DPP10: variants seen among roughly 807,000 people sequenced by gnomAD.
DPP10 encodes dipeptidyl peptidase like 10, also known as inactive dipeptidyl peptidase 10.
Under a neutral mutation model 120.9 loss-of-function variants are expected in DPP10, and 33 were observed. The observed-to-expected ratio is 0.27, with a 90% CI of 0.21 to 0.37. The LOEUF is 0.37. DPP10 is among the 10% of genes least tolerant of loss of function. The pLI is 1.00. For missense variants in DPP10, 816 were observed against 942.8 expected (o/e 0.87, Z 1.76); for synonymous variants, 337 against 326.1 (o/e 1.03, Z -0.36).
chr2:115,715,766 T>G (rs2092473987), intron 7 of DPP10, among the ~76,000 whole-genome samples: 1 of 152,268 alleles, frequency 6.6e-6, no homozygotes, highest in African/African-American at 2.4e-5. Context: ...TTTTCTTTAT[T>G]AATACATTTT....
intron 19 of DPP10, among the ~76,000 whole-genome samples, chr2:115,803,695 A>T (rs1685552047): frequency 6.6e-6 from 1 of 152,144 alleles, no homozygotes; most frequent in African/African-American, 2.4e-5. Context: ...TATGAAGCTC[A>T]GTTTGGCTGG....
chr2:115,630,168 T>C (rs4618069), intron 5 of DPP10, among the ~76,000 whole-genome samples: 28,116 of 152,026 alleles, frequency 0.18, 3,221 homozygotes, highest in African/African-American at 0.31. Context: ...TTTGTAGCAA[T>C]TGTGAATGGG....
At chr2:115,218,820 A>G (rs1308946847) in intron 1 of DPP10, among the ~76,000 whole-genome samples, 2 of 152,144 alleles carry the variant, frequency 1.3e-5, no homozygotes, top group Admixed American at 6.6e-5. Context: ...CATAATTTGA[A>G]CAGAAAATAT....
chr2:115,572,427 GA>G, intron 5 of DPP10, among the ~76,000 whole-genome samples: 1 of 152,198 alleles, frequency 6.6e-6, no homozygotes, highest in East Asian at 1.9e-4. Context: ...GAAGTATGGA[GA>G]AAAATAATGT....
At chr2:114,599,903 T>C (rs2105219850) in intron 1 of DPP10, among the ~76,000 whole-genome samples, 1 of 151,904 alleles carries the variant, frequency 6.6e-6, no homozygotes, top group African/African-American at 2.4e-5. Context: ...CATGTTTCAG[T>C]GTAATATTTG....
chr2:114,725,274 C>T (rs1701973146), intron 1 of DPP10, among the ~76,000 whole-genome samples: 1 of 152,180 alleles, frequency 6.6e-6, no homozygotes, highest in Non-Finnish European at 1.5e-5. Context: ...TCTCTATCCA[C>T]CGCACTACGC....
At chr2:114,927,951 G>A (rs578010285) in intron 1 of DPP10, among the ~76,000 whole-genome samples, 1 of 152,002 alleles carries the variant, frequency 6.6e-6, no homozygotes, top group Non-Finnish European at 1.5e-5. Context: ...ACCAACTCTT[G>A]TGGGAACTAA....
chr2:115,159,143 A>C (rs1407418526), intron 1 of DPP10, among the ~76,000 whole-genome samples: 2 of 152,164 alleles, frequency 1.3e-5, no homozygotes, highest in African/African-American at 4.8e-5. Flanking sequence ...CCTGGTCTAA[A>C]CATTTTAATT....
At chr2:115,234,988 A>G (rs2057924435) in intron 1 of DPP10, among the ~76,000 whole-genome samples, 1 of 152,202 alleles carries the variant, frequency 6.6e-6, no homozygotes, top group Non-Finnish European at 1.5e-5. Context: ...TGGGATAAGA[A>G]CATGATCTTT....
At position 115,782,412 on chromosome 2, in the gene DPP10, G is replaced by C. The variant is rs150263771; in HGVS notation, c.1531+13G>C. 149 of 1,609,450 alleles carry C rather than the reference G, an allele frequency of 9.3e-5. No individual in the cohort carries two copies. The African/African-American group carries it at 1.6e-3, about 18-fold the overall frequency. On this transcript the variant is annotated intron_variant, in intron 17 of 25. Coordinates refer to ENST00000410059, the MANE Select transcript of DPP10 (RefSeq NM_020868.6). ...GACAACCCAGCAAGTGAGTACACAAGAAGACAATTAAGAATAGTTATGGTT... is the reference window on the plus strand; with the variant it reads ...GACAACCCAGCAAGTGAGTACACAACAAGACAATTAAGAATAGTTATGGTT...
chr2:115,521,414 A>G (rs770608905), intron 4 of DPP10, among the ~76,000 whole-genome samples: 5 of 152,154 alleles, frequency 3.3e-5, no homozygotes, highest in Non-Finnish European at 5.9e-5. Context: ...CCTATTGGCT[A>G]TCCTTCAGGA....
chr2:115,265,737 G>A (rs941671735), intron 1 of DPP10, among the ~76,000 whole-genome samples: 15 of 152,056 alleles, frequency 9.9e-5, no homozygotes, highest in African/African-American at 3.6e-4. Flanking sequence ...CATATCTCCA[G>A]TATTATTAAA....
chr2:115,041,333 C>T (rs1704628678), intron 1 of DPP10, among the ~76,000 whole-genome samples: 1 of 152,078 alleles, frequency 6.6e-6, no homozygotes, highest in Admixed American at 6.5e-5. Flanking sequence ...GATACGAACC[C>T]TGCTCACATT....
intron 1 of DPP10, among the ~76,000 whole-genome samples, chr2:115,037,895 A>G (rs1215315201): frequency 6.6e-6 from 1 of 152,238 alleles, no homozygotes; most frequent in Non-Finnish European, 1.5e-5. Flanking sequence ...AGCCAACCAT[A>G]TAATGATATT....
chr2:114,836,694 C>G (rs1274803778), intron 1 of DPP10, among the ~76,000 whole-genome samples: 1 of 152,004 alleles, frequency 6.6e-6, no homozygotes, highest in African/African-American at 2.4e-5. Context: ...CCGGTCTGAC[C>G]AAAAATGTAT....
chr2:115,737,514 T>A (rs1464243922), intron 8 of DPP10, among the ~76,000 whole-genome samples: 1 of 152,106 alleles, frequency 6.6e-6, no homozygotes, highest in East Asian at 1.9e-4. Context: ...CCTATGATTG[T>A]CATATGGAGA....
At chr2:115,002,240 T>A (rs1205591910) in intron 1 of DPP10, among the ~76,000 whole-genome samples, 1 of 151,916 alleles carries the variant, frequency 6.6e-6, no homozygotes, top group Non-Finnish European at 1.5e-5. Context: ...CCATCAGATC[T>A]TAGAAAAAGC....
intron 1 of DPP10, among the ~76,000 whole-genome samples, chr2:114,485,625 A>C (rs762547656): frequency 4.6e-5 from 7 of 151,966 alleles, no homozygotes; most frequent in Non-Finnish European, 8.8e-5. Context: ...CCAAAGCAAT[A>C]GCCTCTCATG....
chr2:114,619,169 G>C (rs971074623), intron 1 of DPP10, among the ~76,000 whole-genome samples: 2 of 152,004 alleles, frequency 1.3e-5, no homozygotes, highest in South Asian at 2.1e-4. Flanking sequence ...TATGGATTAT[G>C]ATGAGGAAAC....
Sources: allele counts gnomAD v4.1 joint callset (sites outside exome capture counted in the v4.1 genomes callset), GRCh38; gene constraint gnomAD v4.1.1; transcripts MANE v1.5; gene names NCBI Gene and HGNC (gene_info 2026-07-23, HGNC 2026-07-21).